The following STOX2 variants were observed in gnomAD, a reference collection of about 807,000 sequenced individuals.
STOX2 encodes the protein storkhead box 2.
Under a neutral mutation model 60.9 loss-of-function variants are expected in STOX2, and 28 were observed. The observed-to-expected ratio is 0.46, with a 90% CI of 0.34 to 0.63. STOX2 has a LOEUF of 0.63. Among genes scored for constraint, STOX2 ranks in the 30% least tolerant of loss-of-function variants. The pLI is 0.01. For missense variants in STOX2, 1,024 were observed against 1,187.7 expected (o/e 0.86, Z 2.03); for synonymous variants, 472 against 463.9 (o/e 1.02, Z -0.22).
At chr4:183,978,162 A>C (rs1428883099) in intron 1 of STOX2, among the ~76,000 whole-genome samples, 1 of 152,128 alleles carries the variant, frequency 6.6e-6, no homozygotes, top group Admixed American at 6.6e-5. Flanking sequence ...CTTAGTCATA[A>C]ATTCTTTGCT....
At chr4:183,887,120 C>G (rs748651840) in intron 1 of STOX2, among the ~76,000 whole-genome samples, 9 of 152,080 alleles carry the variant, frequency 5.9e-5, no homozygotes, top group Non-Finnish European at 1.2e-4. Flanking sequence ...AAAAATTAGT[C>G]TGGCGTAGTG....
At chr4:183,990,013 A>G (rs2111201953) in intron 1 of STOX2, among the ~76,000 whole-genome samples, 1 of 152,328 alleles carries the variant, frequency 6.6e-6, no homozygotes, top group South Asian at 2.1e-4. Flanking sequence ...AGTCACATCC[A>G]TCTCATAGCT....
chr4:183,911,374 C>G (rs1239430632), intron 1 of STOX2, among the ~76,000 whole-genome samples: 1 of 152,130 alleles, frequency 6.6e-6, no homozygotes, highest in African/African-American at 2.4e-5. Context: ...TAATAAAGAG[C>G]GTCCTGTCAC....
intron 1 of STOX2, among the ~76,000 whole-genome samples, chr4:183,941,955 C>T (rs1742765061): frequency 6.6e-6 from 1 of 152,136 alleles, no homozygotes; most frequent in Non-Finnish European, 1.5e-5. Flanking sequence ...TATTAGAGGG[C>T]ACATGTGTTG....
At chr4:183,954,099 A>G (rs1388708215) in intron 1 of STOX2, among the ~76,000 whole-genome samples, 1 of 152,104 alleles carries the variant, frequency 6.6e-6, no homozygotes, top group African/African-American at 2.4e-5. Context: ...CTTGATAAAA[A>G]CTAATTTTTG....
At chr4:183,838,890 T>G (rs1251209295) in intron 1 of STOX2, among the ~76,000 whole-genome samples, 1 of 152,168 alleles carries the variant, frequency 6.6e-6, no homozygotes, top group Non-Finnish European at 1.5e-5. Flanking sequence ...AGTCTTCACT[T>G]TGGAGAGAGG....
intron 1 of STOX2, among the ~76,000 whole-genome samples, chr4:183,844,206 C>T (rs1739934408): frequency 6.6e-6 from 1 of 152,168 alleles, no homozygotes. Flanking sequence ...CTTCCTCCAA[C>T]CCTTAACACT....
At chr4:183,947,594 G>A (rs1294709822) in intron 1 of STOX2, among the ~76,000 whole-genome samples, 1 of 152,172 alleles carries the variant, frequency 6.6e-6, no homozygotes, top group African/African-American at 2.4e-5. Context: ...TTGCCTTGCT[G>A]GGAGGATTAA....
intron 1 of STOX2, among the ~76,000 whole-genome samples, chr4:183,996,764 T>G (rs1403418795): frequency 6.6e-6 from 1 of 152,098 alleles, no homozygotes; most frequent in African/African-American, 2.4e-5. Context: ...TTTTAATTTC[T>G]TATTGCTATA....
chr4:184,002,449 A>G (rs879617797), intron 2 of STOX2, among the ~76,000 whole-genome samples: 3 of 152,264 alleles, frequency 2.0e-5, no homozygotes, highest in Admixed American at 6.5e-5. Flanking sequence ...GTAACAAACA[A>G]CTACAGAACA....
intron 1 of STOX2, among the ~76,000 whole-genome samples, chr4:183,927,572 A>G (rs2098371678): frequency 1.3e-5 from 2 of 151,732 alleles, no homozygotes; most frequent in African/African-American, 4.9e-5. Context: ...GACCTATAGG[A>G]GCTGTTTTAA....
At position 183,827,137 on chromosome 4, in the gene STOX2, G is replaced by A. The variant is rs866472777; in HGVS notation, c.364+29082G>A. Among the ~76,000 whole-genome samples, 83 of 152,180 alleles carry A rather than the reference G, an allele frequency of 5.5e-4. 1 individual carries two copies. Among genetic ancestry groups the A allele is most frequent in the African/African-American group, 1.9e-3 (77 of 41,500 alleles). The stretch of plus-strand genomic sequence containing the variant: ...CTCAGAAAGTCTGGCTGCAACCACC[G>A]TATTTTTATAGCACTGAAATAAAAA... On this transcript the variant is annotated intron_variant, in intron 1 of 2. Transcript: ENST00000513034.
In STOX2 at chr4:183,937,155, C is replaced by T. The variant is rs190113379; in HGVS notation, c.166+30199C>T. Among the ~76,000 whole-genome samples the T allele has an allele frequency of 3.3e-5, 5 of 152,328 alleles. No individual in the cohort carries two copies. The East Asian group carries it at 9.6e-4, about 29-fold the overall frequency. On this transcript the variant is annotated intron_variant, in intron 1 of 3. Transcript: ENST00000308497. ...GGTGAGGTACATTCATTGTGCCTTT[C>T]CTTTCCTGTGAGTCACGGCCTACCT...
At chr4:183,986,908 C>T (rs1403754268) in intron 1 of STOX2, among the ~76,000 whole-genome samples, 5 of 152,200 alleles carry the variant, frequency 3.3e-5, no homozygotes, top group Non-Finnish European at 7.4e-5. Flanking sequence ...CTCTGAGTTT[C>T]GGGGGCGCCT....
chr4:183,875,874 C>T (rs375775649), intron 1 of STOX2, among the ~76,000 whole-genome samples: 1 of 152,200 alleles, frequency 6.6e-6, no homozygotes, highest in Non-Finnish European at 1.5e-5. Context: ...CATGCCACCA[C>T]GCTGGGCTAA....
At chr4:184,004,325 C>T (rs534829164) in intron 2 of STOX2, among the ~76,000 whole-genome samples, 150 of 152,246 alleles carry the variant, frequency 9.9e-4, no homozygotes, top group Non-Finnish European at 1.3e-3. Flanking sequence ...CTGGGTCAGG[C>T]GCAGTGGCTC....
chr4:183,803,500 C>T (rs1738814809), intron 1 of STOX2, among the ~76,000 whole-genome samples: 1 of 152,192 alleles, frequency 6.6e-6, no homozygotes, highest in East Asian at 1.9e-4. Flanking sequence ...GCTTGAATTG[C>T]TTAACAATTG....
intron 1 of STOX2, among the ~76,000 whole-genome samples, chr4:183,815,882 G>A (rs13136503): frequency 0.28 from 42,232 of 152,198 alleles, 6,243 homozygotes; most frequent in African/African-American, 0.38. Context: ...GACAACTTGT[G>A]TGTGTATTTT....
chr4:183,856,113 T>C lies in STOX2; in HGVS notation c.364+58058T>C, dbSNP rs1336162741. Among the ~76,000 whole-genome samples, 6 of 152,280 alleles carry C rather than the reference T, an allele frequency of 3.9e-5. 1 individual carries two copies. The East Asian group carries it at 9.7e-4, about 25-fold the overall frequency. ...AGGGATGGACCTCTCAGAAACATCC[T>C]AAGTGCGCACCCTGGGGTCTCGAAT... On this transcript the variant is annotated intron_variant, in intron 1 of 2. Coordinates refer to the STOX2 transcript ENST00000513034. The surrounding 1 kb of genome is among the most constrained non-coding windows in gnomAD (Gnocchi z 4.0).
Sources: allele counts gnomAD v4.1 joint callset (sites outside exome capture counted in the v4.1 genomes callset), GRCh38; gene constraint gnomAD v4.1.1; non-coding constraint Gnocchi (gnomAD v3.1); transcripts MANE v1.5; gene names NCBI Gene and HGNC (gene_info 2026-07-23, HGNC 2026-07-21).